Variants in ASIC2 observed in about 807,000 individuals in gnomAD.
The protein encoded by ASIC2 is acid sensing ion channel subunit 2.
ASIC2 carries 25 observed loss-of-function variants against 57.3 expected under a neutral mutation model. That is an observed-to-expected ratio of 0.44 (90% CI 0.32 to 0.61). The LOEUF is 0.61. Ranked by LOEUF, ASIC2 falls within the 20% of genes least tolerant of loss-of-function variation. ASIC2 has a pLI of 0.06. For missense variants in ASIC2, 641 were observed against 738.1 expected (o/e 0.87, Z 1.52); for synonymous variants, 319 against 307.5 (o/e 1.04, Z -0.39).
chr17:33,270,025 TC>T (rs1271297461), intron 1 of ASIC2, among the ~76,000 whole-genome samples: 2 of 152,208 alleles, frequency 1.3e-5, no homozygotes, highest in African/African-American at 2.4e-5. Flanking sequence ...GAGGGAAGCC[TC>T]CTGGGCCCCT....
chr17:33,433,542 G>A (rs775532628), intron 1 of ASIC2, among the ~76,000 whole-genome samples: 1 of 152,158 alleles, frequency 6.6e-6, no homozygotes, highest in Admixed American at 6.5e-5. Context: ...GATCTCTTGA[G>A]GTCAGGAGTT....
intron 1 of ASIC2, among the ~76,000 whole-genome samples, chr17:33,625,149 A>ATCTG (rs1186719173): frequency 6.6e-6 from 1 of 152,044 alleles, no homozygotes; most frequent in Non-Finnish European, 1.5e-5. Flanking sequence ...CTATCTATCT[A>ATCTG]TCTATCTATC....
chr17:33,811,706 G>T (rs1233291687), intron 1 of ASIC2, among the ~76,000 whole-genome samples: 2 of 152,176 alleles, frequency 1.3e-5, no homozygotes, highest in African/African-American at 2.4e-5. Context: ...ACTCTCAGGG[G>T]TTTTTCCATT....
At chr17:33,609,546 C>T (rs1905330194) in intron 1 of ASIC2, among the ~76,000 whole-genome samples, 1 of 152,182 alleles carries the variant, frequency 6.6e-6, no homozygotes, top group Non-Finnish European at 1.5e-5. Flanking sequence ...CAAGCTCAAC[C>T]CAGTAGAAGC....
rs140310725 is a variant in ASIC2, at chr17:33,994,239, G to T, written c.555+161739C>A. ...TCAATATGTGTCAGCTGCCAGCAAA[G>T]GACTATGGGTAAGTTTCCCAAATTA... is the stretch of plus-strand genomic sequence containing the variant. On this transcript the variant is annotated intron_variant, in intron 1 of 9. Transcript: ENST00000359872. 9.2e-3 allele frequency among the ~76,000 whole-genome samples: 1,407 copies of T among 152,242 alleles called. 21 individuals carry two copies. Among genetic ancestry groups the T allele is most frequent in the African/African-American group, 0.032 (1,322 of 41,544 alleles).
intron 1 of ASIC2, among the ~76,000 whole-genome samples, chr17:33,282,508 C>A (rs1002599839): frequency 6.6e-6 from 1 of 150,550 alleles, no homozygotes; most frequent in Non-Finnish European, 1.5e-5. Flanking sequence ...AGATCCTTGC[C>A]CTGTTGTCCA....
chr17:34,080,063 A>G (rs1472591442), intron 1 of ASIC2, among the ~76,000 whole-genome samples: 2 of 152,330 alleles, frequency 1.3e-5, no homozygotes, highest in East Asian at 3.9e-4. Flanking sequence ...AGTGGACTCT[A>G]TGAATACTGT....
At chr17:33,735,251 G>A (rs73282773) in intron 1 of ASIC2, among the ~76,000 whole-genome samples, 3,085 of 152,204 alleles carry the variant, frequency 0.02, 90 homozygotes, top group African/African-American at 0.07. Context: ...CCCCTCCATG[G>A]AGAAAGTTTG....
chr17:33,881,115 ATAATAAGAGC>A (rs1005622281), intron 1 of ASIC2, among the ~76,000 whole-genome samples: 207 of 152,362 alleles, frequency 1.4e-3, no homozygotes, highest in African/African-American at 4.8e-3. Context: ...GTATCTCTAA[ATAATAAGAGC>A]TATCTATGAT....
intron 1 of ASIC2, among the ~76,000 whole-genome samples, chr17:33,577,879 G>A (rs1916684915): frequency 6.6e-6 from 1 of 152,114 alleles, no homozygotes; most frequent in African/African-American, 2.4e-5. Flanking sequence ...CTTTCCAGTG[G>A]CAGCCAGTGG....
At chr17:33,316,484 C>T (rs571007562) in intron 1 of ASIC2, among the ~76,000 whole-genome samples, 81 of 152,324 alleles carry the variant, frequency 5.3e-4, no homozygotes, top group African/African-American at 1.8e-3. Context: ...GATGAGGTTT[C>T]GCCATGTTGG....
chr17:33,115,394 G>T (rs867484153), intron 1 of ASIC2, among the ~76,000 whole-genome samples: 1 of 152,128 alleles, frequency 6.6e-6, no homozygotes, highest in Non-Finnish European at 1.5e-5. Context: ...GTGACTTCCT[G>T]TTGCATTTAG....
At chr17:33,036,198 T>C (rs1355888767) in intron 3 of ASIC2, among the ~76,000 whole-genome samples, 1 of 152,202 alleles carries the variant, frequency 6.6e-6, no homozygotes, top group Non-Finnish European at 1.5e-5. Context: ...TGCAGGGCTC[T>C]TTTTTTAGGT....
chr17:34,120,143 C>A (rs1196336086), intron 1 of ASIC2: 1 of 152,226 alleles, frequency 6.6e-6, no homozygotes, highest in East Asian at 1.9e-4. Flanking sequence ...TAAGATCTGG[C>A]ACGTTGAAGG....
At chr17:33,925,412 G>A (rs1315935988) in intron 1 of ASIC2, among the ~76,000 whole-genome samples, 1 of 152,208 alleles carries the variant, frequency 6.6e-6, no homozygotes, top group Non-Finnish European at 1.5e-5. Context: ...TGCTTCTGGT[G>A]TACAGAACAA....
intron 1 of ASIC2, among the ~76,000 whole-genome samples, chr17:33,651,651 C>A (rs1597822139): frequency 1.3e-5 from 2 of 152,240 alleles, no homozygotes; most frequent in Non-Finnish European, 2.9e-5. Context: ...CATGCTCGCA[C>A]TTCTGCACCG....
intron 1 of ASIC2, among the ~76,000 whole-genome samples, chr17:33,769,661 C>G (rs1368901683): frequency 1.3e-5 from 2 of 152,190 alleles, no homozygotes; most frequent in African/African-American, 4.8e-5. Context: ...ACAGGGAAAT[C>G]AGGAATTTAT....
chr17:33,836,987 A>T (rs1214616268), intron 1 of ASIC2, among the ~76,000 whole-genome samples: 1 of 152,228 alleles, frequency 6.6e-6, no homozygotes, highest in Admixed American at 6.5e-5. Flanking sequence ...TCCAACAGTT[A>T]TGCCAAAATA....
chr17:33,110,337 C>A (rs1247955971), intron 2 of ASIC2, among the ~76,000 whole-genome samples: 1 of 152,086 alleles, frequency 6.6e-6, no homozygotes, highest in Non-Finnish European at 1.5e-5. Context: ...CCTGGTTGGC[C>A]TCAGGATGCC....
Sources: allele counts gnomAD v4.1 joint callset (sites outside exome capture counted in the v4.1 genomes callset), GRCh38; gene constraint gnomAD v4.1.1; transcripts MANE v1.5; gene names NCBI Gene and HGNC (gene_info 2026-07-23, HGNC 2026-07-21).